The following FMN1 variants were observed in gnomAD, a reference collection of about 807,000 sequenced individuals.
The protein encoded by FMN1 is formin-1.
In FMN1, 110 loss-of-function variants were observed where a neutral mutation model predicts 132.4. The observed-to-expected ratio is 0.83, with a 90% CI of 0.71 to 0.97. FMN1 has a LOEUF of 0.97. FMN1 is among the 50% of genes least tolerant of loss of function. The pLI is 0.00. For synonymous variants in FMN1, 722 were observed against 651.7 expected (o/e 1.11, Z -1.64); for missense variants, 1,792 against 1,705.3 (o/e 1.05, Z -0.90).
intron 17 of FMN1, among the ~76,000 whole-genome samples, chr15:32,815,626 T>C (rs922784755): frequency 3.3e-5 from 5 of 152,226 alleles, no homozygotes; most frequent in African/African-American, 7.2e-5. Flanking sequence ...ACTGAATAGA[T>C]AGTGGATTTT....
chr15:33,045,174 A>G (rs1277741587), intron 6 of FMN1, among the ~76,000 whole-genome samples: 2 of 152,230 alleles, frequency 1.3e-5, no homozygotes, highest in African/African-American at 4.8e-5. Flanking sequence ...TAGTCCAGCC[A>G]TAGCCTCGCA....
intron 17 of FMN1, among the ~76,000 whole-genome samples, chr15:32,836,595 C>G (rs1038335453): frequency 2.6e-5 from 4 of 152,096 alleles, no homozygotes; most frequent in African/African-American, 9.7e-5. Flanking sequence ...GTCTTACAAA[C>G]TTGTAAAATG....
chr15:33,151,392 T>G (rs1004214822), intron 4 of FMN1: 7 of 1,536,564 alleles, frequency 4.6e-6, no homozygotes, highest in Non-Finnish European at 6.1e-6. Context: ...GAGGCCAAAG[T>G]AAAGGGAATG....
intron 17 of FMN1, among the ~76,000 whole-genome samples, chr15:32,805,425 C>A (rs1465970073): frequency 1.3e-5 from 2 of 152,092 alleles, no homozygotes; most frequent in African/African-American, 4.8e-5. Flanking sequence ...GGGTAGATTG[C>A]AAAAATTTTC....
chr15:32,951,745 C>G (rs138080462), intron 9 of FMN1, among the ~76,000 whole-genome samples: 1 of 152,162 alleles, frequency 6.6e-6, no homozygotes, highest in Non-Finnish European at 1.5e-5. Flanking sequence ...TAATATTACT[C>G]TTTCTTTACA....
At chr15:33,114,808 T>C (rs2039850175) in intron 4 of FMN1, among the ~76,000 whole-genome samples, 2 of 152,184 alleles carry the variant, frequency 1.3e-5, no homozygotes, top group Admixed American at 1.3e-4. Context: ...TAATCCTACT[T>C]TAGCTGATAA....
chr15:32,880,478 G>A (rs1596162326), intron 16 of FMN1, among the ~76,000 whole-genome samples: 1 of 152,078 alleles, frequency 6.6e-6, no homozygotes, highest in Admixed American at 6.5e-5. Context: ...TTCTTTCAAT[G>A]TCTGGCTGCC....
At chr15:32,947,587 A>G (rs2061536380) in intron 9 of FMN1, among the ~76,000 whole-genome samples, 1 of 152,052 alleles carries the variant, frequency 6.6e-6, no homozygotes, top group Non-Finnish European at 1.5e-5. Flanking sequence ...TGACTTTGAA[A>G]CTAGAAATTT....
At chr15:33,086,056 C>A (rs1371438709) in intron 5 of FMN1, among the ~76,000 whole-genome samples, 1 of 151,982 alleles carries the variant, frequency 6.6e-6, no homozygotes, top group Non-Finnish European at 1.5e-5. Flanking sequence ...TCCAGACCAT[C>A]CTGGCTAACA....
chr15:33,046,317 G>T (rs1004812496), intron 6 of FMN1, among the ~76,000 whole-genome samples: 1 of 152,040 alleles, frequency 6.6e-6, no homozygotes, highest in Admixed American at 6.6e-5. Flanking sequence ...TGTTCTGAAT[G>T]AACAATGCAC....
In FMN1 at chr15:32,868,058, A is replaced by G. The variant is rs188734200; in HGVS notation, c.3836-10951T>C. Among the ~76,000 whole-genome samples, 69 of 152,312 alleles carry G rather than the reference A, an allele frequency of 4.5e-4. 1 individual carries two copies. On this transcript the variant is annotated intron_variant, in intron 16 of 20. Transcript: ENST00000616417. ...GTGCAGTATGGATATTAGTGTCTTG[A>G]CAGAATTTGGCTGTAGTACATGTAC...
intron 17 of FMN1, among the ~76,000 whole-genome samples, chr15:32,815,501 T>TA (rs1235812031): frequency 6.6e-6 from 1 of 152,166 alleles, no homozygotes; most frequent in Non-Finnish European, 1.5e-5. Context: ...GTACACTAGA[T>TA]AAAATGAAAC....
chr15:33,062,479 G>A lies in FMN1; in HGVS notation c.2161+2478C>T, dbSNP rs555609230. Among the ~76,000 whole-genome samples, 124 of 152,092 alleles carry A rather than the reference G, an allele frequency of 8.2e-4. 1 individual carries two copies. Among genetic ancestry groups the A allele is most frequent in the Admixed American group, 4.4e-3 (67 of 15,274 alleles). ...TACTAAAAATGCAAAAAAAATAGTC[G>A]GGCATGGTGGCGGGCGCCTGTAGTC... On this transcript the variant is annotated intron_variant, in intron 6 of 20. Transcript: ENST00000616417.
At chr15:33,138,372 T>C (rs1336994057) in intron 4 of FMN1, among the ~76,000 whole-genome samples, 1 of 152,172 alleles carries the variant, frequency 6.6e-6, no homozygotes, top group Admixed American at 6.5e-5. Context: ...TTCAGTTTCA[T>C]TTTTCTTCCC....
intron 10 of FMN1, among the ~76,000 whole-genome samples, chr15:32,919,253 A>C (rs1006014108): frequency 1.3e-5 from 2 of 152,206 alleles, no homozygotes; most frequent in Non-Finnish European, 2.9e-5. Context: ...TCCTGCAGTG[A>C]AACCCCAGAT....
intron 4 of FMN1, among the ~76,000 whole-genome samples, chr15:33,124,672 G>A (rs1190353065): frequency 6.6e-6 from 1 of 152,018 alleles, no homozygotes; most frequent in Non-Finnish European, 1.5e-5. Context: ...AAATATCTGA[G>A]ATTATTCCTT....
intron 9 of FMN1, among the ~76,000 whole-genome samples, chr15:32,928,184 G>C (rs2061010974): frequency 6.6e-6 from 1 of 151,844 alleles, no homozygotes; most frequent in Non-Finnish European, 1.5e-5. Flanking sequence ...AAGATGTAAA[G>C]GAAAAAAATC....
At chr15:32,938,508 G>A (rs1249791559) in intron 9 of FMN1, among the ~76,000 whole-genome samples, 2 of 152,148 alleles carry the variant, frequency 1.3e-5, no homozygotes, top group Non-Finnish European at 2.9e-5. Context: ...CAGCCTGGGT[G>A]ACAGAGCAAA....
At chr15:32,784,625 A>G (rs972280204) in intron 19 of FMN1, among the ~76,000 whole-genome samples, 2 of 152,152 alleles carry the variant, frequency 1.3e-5, no homozygotes, top group Non-Finnish European at 2.9e-5. Flanking sequence ...AATCTACAAA[A>G]ATCACAACAT....
Sources: gnomAD v4.1 joint callset for allele counts (sites outside exome capture counted in the v4.1 genomes callset) on GRCh38, gnomAD v4.1.1 for gene constraint, MANE v1.5 for transcripts, NCBI Gene and HGNC (gene_info 2026-07-23, HGNC 2026-07-21) for gene names.